The following RNF212B variants were observed in gnomAD, a reference collection of about 807,000 sequenced individuals.
The protein encoded by RNF212B is ring finger protein 212B.
In RNF212B, 52 loss-of-function variants were observed where a neutral mutation model predicts 55.5. The observed-to-expected ratio is 0.94, with a 90% CI of 0.75 to 1.18. The LOEUF is 1.18. Ranked by LOEUF, RNF212B falls within the 50% of genes most tolerant of loss-of-function variation. The pLI is 0.00. For synonymous variants in RNF212B, 99 were observed against 121.4 expected, an observed-to-expected ratio of 0.82 and a Z score of 1.21; for missense variants, 289 against 350.4, an observed-to-expected ratio of 0.82 and a Z score of 1.40.
intron 9 of RNF212B, among the ~76,000 whole-genome samples, chr14:23,263,774 G>C (rs1457414685): frequency 6.6e-6 from 1 of 152,100 alleles, no homozygotes; most frequent in Non-Finnish European, 1.5e-5. Flanking sequence ...AGTGTTCTGT[G>C]TGCTAACAAC....
intron 3 of RNF212B, 113 bp downstream of exon 3, chr14:23,243,421 C>A: frequency 2.0e-6 from 2 of 1,006,266 alleles, no homozygotes; most frequent in South Asian, 1.5e-5. Flanking sequence ...GAAGACCGGG[C>A]GTGGTGGCTC....
chr14:23,241,840 T>C (rs1284473361), intron 2 of RNF212B, among the ~76,000 whole-genome samples: 3 of 151,110 alleles, frequency 2.0e-5, no homozygotes, highest in Non-Finnish European at 4.4e-5. Context: ...TCCCAGCACT[T>C]TGGGAGGCCG....
At chr14:23,230,531 G>C (rs550434354) in intron 2 of RNF212B, among the ~76,000 whole-genome samples, 1,718 of 151,924 alleles carry the variant, frequency 0.011, 32 homozygotes, top group Non-Finnish European at 0.013. Flanking sequence ...GCGGGGGCCT[G>C]TAGTCCCAGC....
chr14:23,244,333 G>A lies in RNF212B; in HGVS notation c.165G>A (p.Gln55=), dbSNP rs1420218460. Residue 55 remains glutamine (Q), a synonymous_variant, in exon 4 of 15, where the codon CAG becomes CAA. Coordinates refer to ENST00000430154, the MANE Select transcript of RNF212B (RefSeq NM_001282322.3). The part of the protein sequence containing the change: ...HLALSDNLKP[Q]EKMFFKSPVE... The stretch of plus-strand genomic sequence containing the variant: ...TGCTCTCTTCGTAGCTGAAGCCTCA[G>A]GAGAAGATGTTTTTCAAAAGTCCTG... The A allele has an allele frequency of 1.9e-6, 3 of 1,543,242 alleles. No homozygotes were observed. The highest frequency in any genetic ancestry group is 2.6e-6 in the Non-Finnish European group (3 of 1,142,780).
chr14:23,190,075 T>C (rs993228612), intron 1 of RNF212B, among the ~76,000 whole-genome samples: 2 of 152,130 alleles, frequency 1.3e-5, no homozygotes, highest in Admixed American at 6.6e-5. Context: ...GGCCAGCTAA[T>C]GGCTCTGGAG....
upstream of RNF212B, among the ~76,000 whole-genome samples, chr14:23,237,845 C>T (rs1367062842): frequency 6.6e-6 from 1 of 151,836 alleles, no homozygotes; most frequent in Non-Finnish European, 1.5e-5. Context: ...GCCCCGCCCA[C>T]GCCCCGCGCA....
At chr14:23,221,967 A>AC (rs1284290540) in intron 2 of RNF212B, among the ~76,000 whole-genome samples, 1 of 152,158 alleles carries the variant, frequency 6.6e-6, no homozygotes, top group Non-Finnish European at 1.5e-5. Flanking sequence ...ACATACCAAA[A>AC]CCTATGGGAT....
rs1566446721 is a variant in RNF212B, at chr14:23,273,388, CCTTTCTATTGAAAACA to C, written c.*498_*513del. 4 of 152,280 alleles carry C rather than the reference CCTTTCTATTGAAAACA, an allele frequency of 2.6e-5. No homozygotes were observed. The highest frequency in any genetic ancestry group is 9.7e-5 in the African/African-American group (4 of 41,386). 9.4% of individuals were successfully genotyped at this position (152,280 alleles called of 1,614,324 possible). Reference sequence around the variant, plus strand: ...TTAGTTACTATTAAATGTTAATTTTCCTTTCTATTGAAAACAACTGTTGGAGACACTGATTTTCAGC... The same window carrying C: ...TTAGTTACTATTAAATGTTAATTTTCACTGTTGGAGACACTGATTTTCAGC... On this transcript the variant is annotated 3_prime_UTR_variant, in exon 15 of 15. Coordinates refer to ENST00000430154, the MANE Select transcript of RNF212B (RefSeq NM_001282322.3).
chr14:23,266,404 G>GTTTTTTTTTTTTTT (rs57731750), intron 11 of RNF212B, among the ~76,000 whole-genome samples: 1 of 46,872 alleles, frequency 2.1e-5, no homozygotes, highest in African/African-American at 1.3e-4. Flanking sequence ...CCTTTTAAAT[G>GTTTTTTTTTTTTTT]TTTTTTTTTT....
chr14:23,233,629 C>A (rs1000576511), upstream of RNF212B, among the ~76,000 whole-genome samples: 318 of 149,066 alleles, frequency 2.1e-3, 1 homozygote, highest in Non-Finnish European at 3.8e-3. Flanking sequence ...GTAGTCCCAG[C>A]CACTCGGGAG....
At chr14:23,237,377 G>A (rs1372774846), upstream of RNF212B, among the ~76,000 whole-genome samples, 3 of 152,088 alleles carry the variant, frequency 2.0e-5, no homozygotes, top group Non-Finnish European at 4.4e-5. Flanking sequence ...TGATCCGCCC[G>A]CCTCGGCCTC....
At position 23,225,882 on chromosome 14, in the gene RNF212B, G is replaced by A. The variant is rs139878774; in HGVS notation, c.-1-14463G>A. Among the ~76,000 whole-genome samples, 98 of 152,170 alleles carry A rather than the reference G, an allele frequency of 6.4e-4. 1 individual carries two copies. In the Middle Eastern group the frequency reaches 0.037, roughly 58 times the overall value. ...CAAAGGATAAAAGCACGAGGGGATC[G>A]ATACCCTATCTTTCATGATGTGAAT... On this transcript the variant is annotated intron_variant, in intron 2 of 15. Coordinates refer to the RNF212B transcript ENST00000399910.
At chr14:23,260,784 TAATG>T in intron 7 of RNF212B, 97 bp downstream of exon 7, 1 of 1,131,442 alleles carries the variant, frequency 8.8e-7, no homozygotes, top group South Asian at 1.4e-5. Context: ...AGAAAATGGT[TAATG>T]AATTTAGCTT....
At chr14:23,258,061 G>A (rs1437463117) in intron 4 of RNF212B, among the ~76,000 whole-genome samples, 2 of 152,228 alleles carry the variant, frequency 1.3e-5, no homozygotes, top group South Asian at 4.1e-4. Context: ...AAAAGGGGCC[G>A]GGTGCGGTGG....
At chr14:23,254,288 AAAACAAAAC>A (rs774652409) in intron 4 of RNF212B, among the ~76,000 whole-genome samples, 27 of 120,198 alleles carry the variant, frequency 2.2e-4, no homozygotes, top group East Asian at 2.1e-4. Context: ...CTTTATCTCA[AAAACAAAAC>A]AAAACAAAAC....
At chr14:23,209,273 G>A (rs144787145) in intron 2 of RNF212B, among the ~76,000 whole-genome samples, 1,593 of 152,040 alleles carry the variant, frequency 0.01, 31 homozygotes, top group African/African-American at 0.036. Flanking sequence ...TTCCTTTACC[G>A]CAACCTGTTT....
intron 11 of RNF212B, 122 bp from the exon 12 acceptor site, chr14:23,268,802 C>A: frequency 1.3e-6 from 1 of 755,436 alleles, no homozygotes; most frequent in South Asian, 1.7e-5. Context: ...GCATTAGCCC[C>A]CAACCCTAAC....
At chr14:23,195,842 G>T (rs908800327) in intron 2 of RNF212B, among the ~76,000 whole-genome samples, 4 of 152,160 alleles carry the variant, frequency 2.6e-5, no homozygotes, top group African/African-American at 9.7e-5. Context: ...CAAGGTAAAC[G>T]TTGTTTTGCA....
chr14:23,194,939 C>T (rs1466782235), intron 2 of RNF212B, among the ~76,000 whole-genome samples: 1 of 151,966 alleles, frequency 6.6e-6, no homozygotes, highest in Non-Finnish European at 1.5e-5. Flanking sequence ...CACAGAGGAG[C>T]TCTAGAAATT....
Sources: gnomAD v4.1 joint callset for allele counts (sites outside exome capture counted in the v4.1 genomes callset) on GRCh38, gnomAD v4.1.1 for gene constraint, MANE v1.5 for transcripts, NCBI Gene and HGNC (gene_info 2026-07-23, HGNC 2026-07-21) for gene names.